The following CHEK1 variants were observed in gnomAD, a reference collection of about 807,000 sequenced individuals.
CHEK1 encodes serine/threonine-protein kinase Chk1.
A neutral mutation model predicts 60.2 loss-of-function variants in CHEK1; 32 were observed. That is an observed-to-expected ratio of 0.53 (90% CI 0.40 to 0.71). The LOEUF (loss-of-function observed/expected upper bound fraction) is 0.71, where lower values mean the gene tolerates loss of function less well. Among genes scored for constraint, CHEK1 ranks in the 30% least tolerant of loss-of-function variants. CHEK1 has a pLI of 0.00. For synonymous variants in CHEK1, 179 were observed against 187.2 expected (o/e 0.96, Z 0.36); for missense variants, 399 against 564.6 (o/e 0.71, Z 2.97).
At chr11:125,626,234 C>T (rs1460372528) in intron 1 of CHEK1, 1 of 577,906 alleles carries the variant, frequency 1.7e-6, no homozygotes, top group African/African-American at 1.9e-5. Flanking sequence ...TAGCTAAGAA[C>T]CCCAAGGAAG....
intron 8 of CHEK1, 61 bp downstream of exon 8, chr11:125,637,605 T>G: frequency 1.7e-6 from 2 of 1,182,264 alleles, no homozygotes; most frequent in Non-Finnish European, 2.5e-6. Flanking sequence ...AATTGCAAAG[T>G]TATTATCACA....
intron 11 of CHEK1, among the ~76,000 whole-genome samples, chr11:125,647,555 A>G (rs1258890269): frequency 6.6e-6 from 1 of 152,046 alleles, no homozygotes; most frequent in Non-Finnish European, 1.5e-5. Flanking sequence ...TTATTTCTGC[A>G]AGAAAAAAAT....
chr11:125,653,813 A>G lies in CHEK1; in HGVS notation c.1301A>G (p.Asp434Gly), dbSNP rs914262719. 1 of 1,585,688 alleles carries G rather than the reference A, an allele frequency of 6.3e-7. No individual in the cohort carries two copies. Among genetic ancestry groups the G allele is most frequent in the Admixed American group, 1.7e-5 (1 of 57,882 alleles). ...TTCAAAGTGAATTTGTTAGAAATGGATGATAAAATATTGGTTGACTTCCGG... is the reference window on the plus strand; with the variant it reads ...TTCAAAGTGAATTTGTTAGAAATGGGTGATAAAATATTGGTTGACTTCCGG... ...LIFKVNLLEM[D>G]DKILVDFRLS... The change falls in exon 12 of 13, where the codon GAT becomes GGT. Residue 434 changes from aspartate to glycine, a missense_variant. By Grantham distance (94) the Asp-to-Gly change is moderately conservative. Around this residue, in one of 2 missense-constraint regions of CHEK1, gnomAD observed 29 missense variants for 69.8 expected, o/e 0.42. Coordinates refer to ENST00000438015, the MANE Select transcript of CHEK1 (RefSeq NM_001114122.3). This position sits in a 1 kb window ranked among gnomAD's most constrained non-coding sequence, Gnocchi z 4.3.
rs188785847 is a variant in CHEK1, at chr11:125,664,273, G to A, written c.*27+8926G>A. The stretch of plus-strand genomic sequence containing the variant: ...TTTGGAGACAGAGTCTCACTCTGTC[G>A]CCCAGGCTAGAGTACAATGGTGCGA... On this transcript the variant is annotated intron_variant, in intron 13 of 13. Transcript: ENST00000428830. 5.9e-3 allele frequency among the ~76,000 whole-genome samples: 814 copies of A among 137,610 alleles called. 4 individuals are homozygous for A. Among genetic ancestry groups the A allele is most frequent in the Non-Finnish European group, 8.3e-3 (547 of 65,526 alleles). 90.3% of individuals were successfully genotyped at this position (137,610 alleles called of 152,430 possible).
At chr11:125,679,228 T>TTTTTTTTTTTTTTTG (rs1454887323), downstream of CHEK1, among the ~76,000 whole-genome samples, 2 of 145,646 alleles carry the variant, frequency 1.4e-5, no homozygotes, top group African/African-American at 5.1e-5. Flanking sequence ...TTTTTTTTTT[T>TTTTTTTTTTTTTTTG]TGTTTCAAAG....
At position 125,655,764 on chromosome 11, in the gene CHEK1, A is replaced by T. The variant is rs1258323332; in HGVS notation, c.*444A>T. On this transcript the variant is annotated 3_prime_UTR_variant, in exon 13 of 13. Transcript: ENST00000438015. ...CTTGTGACTTTTGGACAGTAGATTT[A>T]TCAGTCTGTGAAGCGAAGCCAGCTT... is the stretch of plus-strand genomic sequence containing the variant. 2 of 217,382 alleles carry T rather than the reference A, an allele frequency of 9.2e-6. No individual in the cohort carries two copies. The highest frequency in any genetic ancestry group is 1.8e-5 in the Non-Finnish European group (2 of 108,144). The allele number at this position is 217,382 out of a possible 1,614,324, so 13.5% of individuals were successfully genotyped here. A position where few individuals can be genotyped will look rare whatever the true frequency, so the allele number is the denominator to read the frequency against.
In CHEK1 at chr11:125,627,913, T is replaced by G. The variant is rs141004252; in HGVS notation, c.289+83T>G. 5,725 of 1,127,532 alleles carry G rather than the reference T, an allele frequency of 5.1e-3. 28 individuals carry two copies. The highest frequency in any genetic ancestry group is 6.5e-3 in the Non-Finnish European group (5,331 of 817,018). 69.8% of individuals were successfully genotyped at this position (1,127,532 alleles called of 1,614,324 possible). A position where few individuals can be genotyped will look rare whatever the true frequency, so the allele number is the denominator to read the frequency against. ...TCTTGGGCATGCTATTTGGTCGTTG[T>G]CCTTTCAAAATTGCTCATGCAACTG... On this transcript the variant is annotated intron_variant, in intron 3 of 12. Transcript: ENST00000438015.
intron 4 of CHEK1, 41 bp from the exon 5 acceptor site, chr11:125,629,350 A>C (rs201570663): frequency 6.2e-7 from 1 of 1,611,926 alleles, no homozygotes; most frequent in African/African-American, 1.3e-5. Flanking sequence ...AATACATTAC[A>C]TTACCAAATT....
chr11:125,658,928 A>G (rs983420827), downstream of CHEK1, among the ~76,000 whole-genome samples: 2 of 151,916 alleles, frequency 1.3e-5, no homozygotes, highest in Admixed American at 1.3e-4. Context: ...TCAAGTGATC[A>G]TCCTGCCTTG....
At chr11:125,669,522 C>CTTTT (rs67333022) in intron 13 of CHEK1, among the ~76,000 whole-genome samples, 14 of 114,684 alleles carry the variant, frequency 1.2e-4, no homozygotes, top group Middle Eastern at 5.3e-3. Flanking sequence ...TTCTTTTTTC[C>CTTTT]TTTTTTTTTT....
At chr11:125,635,389 TAAG>T (rs1565367834) in intron 6 of CHEK1, 37 bp from the exon 7 acceptor site, 3 of 1,192,386 alleles carry the variant, frequency 2.5e-6, no homozygotes, top group Admixed American at 2.3e-5. Flanking sequence ...ATCTTTATAA[TAAG>T]AACATTTAAA....
intron 11 of CHEK1, among the ~76,000 whole-genome samples, chr11:125,650,167 C>G (rs1941660153): frequency 2.0e-5 from 3 of 151,832 alleles, no homozygotes; most frequent in Admixed American, 1.3e-4. Flanking sequence ...ATCTAACTCT[C>G]CTCTCCCTCT....
chr11:125,655,043 T>C (rs553225300), intron 12 of CHEK1, among the ~76,000 whole-genome samples, 182 bp from the exon 13 acceptor site: 4 of 152,318 alleles, frequency 2.6e-5, no homozygotes, highest in African/African-American at 7.2e-5. Flanking sequence ...TCAGAATTAT[T>C]TGTGTAACAA....
chr11:125,650,175 T>A (rs192548570), intron 11 of CHEK1, among the ~76,000 whole-genome samples: 1 of 152,212 alleles, frequency 6.6e-6, no homozygotes, highest in East Asian at 1.9e-4. Context: ...CTCCTCTCCC[T>A]CTTGGACTCA....
intron 12 of CHEK1, among the ~76,000 whole-genome samples, chr11:125,654,446 T>G (rs1267013583): frequency 6.6e-6 from 1 of 152,314 alleles, no homozygotes; most frequent in African/African-American, 2.4e-5. Flanking sequence ...TTTAATATTT[T>G]TCTTAATTTA....
chr11:125,652,117 A>G (rs1941758162), intron 11 of CHEK1, among the ~76,000 whole-genome samples: 1 of 152,240 alleles, frequency 6.6e-6, no homozygotes, highest in Non-Finnish European at 1.5e-5. Context: ...AGTAAGAATT[A>G]TTACAAAAAC....
intron 13 of CHEK1, among the ~76,000 whole-genome samples, chr11:125,667,916 C>T (rs1460639469): frequency 2.0e-5 from 3 of 152,122 alleles, no homozygotes; most frequent in Non-Finnish European, 4.4e-5. Flanking sequence ...AGCCACCACA[C>T]CTGGCTGATT....
intron 8 of CHEK1, among the ~76,000 whole-genome samples, chr11:125,641,522 C>CT (rs1394417401): frequency 6.6e-6 from 1 of 152,166 alleles, no homozygotes; most frequent in East Asian, 1.9e-4. Flanking sequence ...ACTTACATGT[C>CT]TTAACTGCCT....
At chr11:125,664,926 T>C (rs955073087) in intron 13 of CHEK1, among the ~76,000 whole-genome samples, 1 of 152,222 alleles carries the variant, frequency 6.6e-6, no homozygotes, top group African/African-American at 2.4e-5. Context: ...TTTAGAACTT[T>C]AATTCATTTT....
Sources: gnomAD v4.1 joint callset for allele counts (sites outside exome capture counted in the v4.1 genomes callset) on GRCh38, gnomAD v4.1.1 for gene constraint, gnomAD v4.1.1 regional missense constraint, Gnocchi (gnomAD v3.1) non-coding constraint, MANE v1.5 for transcripts, NCBI Gene and HGNC (gene_info 2026-07-23, HGNC 2026-07-21) for gene names.